Variants in PCDHGB7 observed in about 807,000 individuals in gnomAD.
The protein encoded by PCDHGB7 is protocadherin gamma subfamily B, 7.
In PCDHGB7, 37 loss-of-function variants were observed where a neutral mutation model predicts 61.4. The ratio of observed to expected loss-of-function variants is 0.60; its 90% CI spans 0.46 to 0.79. The LOEUF (loss-of-function observed/expected upper bound fraction) is 0.79, where lower values mean the gene tolerates loss of function less well. Among genes scored for constraint, PCDHGB7 ranks in the 30% least tolerant of loss-of-function variants. The pLI is 0.00. For missense variants in PCDHGB7, 1,166 were observed against 1,202.5 expected, an observed-to-expected ratio of 0.97 and a Z score of 0.45; for synonymous variants, 464 against 503.5, an observed-to-expected ratio of 0.92 and a Z score of 1.05.
chr5:141,478,137 G>A (rs762316494), intron 1 of PCDHGB7: 13 of 1,613,872 alleles, frequency 8.1e-6, no homozygotes, highest in African/African-American at 8.0e-5. Context: ...CCTGAAGCCC[G>A]AGCCGAGTTC....
intron 1 of PCDHGB7, chr5:141,427,887 C>T (rs759734297): frequency 3.8e-6 from 6 of 1,565,908 alleles, no homozygotes; most frequent in South Asian, 1.1e-5. Flanking sequence ...GGCCCACGAC[C>T]AGGGCTCGCC....
rs1316659737 is a variant in PCDHGB7 at position 141,490,964 on chromosome 5, C to T, written c.2416-3843C>T. ...CCACGGCCAGACTGGGAACACTCAG[C>T]CCCCCAGCGTCTCCCTCGCTCTGCT... On this transcript the variant is annotated intron_variant, in intron 1 of 3. Transcript: ENST00000398594. The surrounding 1 kb of genome is among the most constrained non-coding windows in gnomAD (Gnocchi z 5.4). 2.5e-6 allele frequency: 4 copies of T among 1,613,608 alleles called. No homozygotes were observed. Among genetic ancestry groups the T allele is most frequent in the East Asian group, 2.2e-5 (1 of 44,882 alleles).
chr5:141,422,342 TG>T, intron 1 of PCDHGB7: 1 of 1,551,514 alleles, frequency 6.4e-7, no homozygotes. Context: ...CTTCTAAATG[TG>T]CAAGATCAAG....
At chr5:141,483,329 A>C (rs1463046335) in intron 1 of PCDHGB7, among the ~76,000 whole-genome samples, 3 of 152,182 alleles carry the variant, frequency 2.0e-5, no homozygotes, top group Non-Finnish European at 2.9e-5. Flanking sequence ...GGAGGCAAAG[A>C]GATCTTATCT....
intron 1 of PCDHGB7, chr5:141,420,939 C>A: frequency 2.6e-6 from 1 of 387,512 alleles, no homozygotes; most frequent in South Asian, 5.2e-5. Context: ...GTAATCATTT[C>A]TTCTGGAATT....
intron 1 of PCDHGB7, among the ~76,000 whole-genome samples, chr5:141,482,832 G>A (rs2099573281): frequency 6.6e-6 from 1 of 152,188 alleles, no homozygotes; most frequent in Non-Finnish European, 1.5e-5. Flanking sequence ...AGCACTTTGG[G>A]AGGCCAAGGT....
intron 1 of PCDHGB7, chr5:141,423,750 TGGGG>T: frequency 7.0e-5 from 20 of 287,406 alleles, no homozygotes; most frequent in Non-Finnish European, 9.0e-5. Context: ...GAAAACTGTT[TGGGG>T]GGGGGGTGGG....
intron 1 of PCDHGB7, among the ~76,000 whole-genome samples, chr5:141,456,381 G>T (rs1296419395): frequency 6.6e-6 from 1 of 152,110 alleles, no homozygotes; most frequent in Admixed American, 6.6e-5. Context: ...TTACAGCACC[G>T]TTTGGAGTTT....
rs1245731818 is a variant in PCDHGB7, at chr5:141,476,700, A to C, written c.2416-18107A>C. 1 of 1,614,096 alleles carries C rather than the reference A, an allele frequency of 6.2e-7. No homozygotes were observed. Among genetic ancestry groups the C allele is most frequent in the Non-Finnish European group, 8.5e-7 (1 of 1,180,016 alleles). On this transcript the variant is annotated intron_variant, in intron 1 of 3. Coordinates refer to ENST00000398594, the MANE Select transcript of PCDHGB7 (RefSeq NM_018927.4). This position sits in a 1 kb window ranked among gnomAD's most constrained non-coding sequence, Gnocchi z 7.6. Reference sequence around the variant, plus strand: ...CGGGAGGACAGCACCAAGTACGCGGAGCTGGTGTTGGAGCGCGCCCTGGAC... The same window carrying C: ...CGGGAGGACAGCACCAAGTACGCGGCGCTGGTGTTGGAGCGCGCCCTGGAC...
intron 1 of PCDHGB7, chr5:141,421,516 T>C (rs199973694): frequency 6.8e-6 from 11 of 1,614,064 alleles, no homozygotes; most frequent in Non-Finnish European, 9.3e-6. Context: ...GGAGGAGCTC[T>C]GTGAGACGGT....
At position 141,431,108 on chromosome 5, in the gene PCDHGB7, T is replaced by C; in HGVS notation, c.2415+10834T>C. 1 of 1,614,180 alleles carries C rather than the reference T, an allele frequency of 6.2e-7. No homozygotes were observed. The highest frequency in any genetic ancestry group is 8.5e-7 in the Non-Finnish European group (1 of 1,180,032). On this transcript the variant is annotated intron_variant, in intron 1 of 3. Coordinates refer to ENST00000398594, the MANE Select transcript of PCDHGB7 (RefSeq NM_018927.4). This position sits in a 1 kb window ranked among gnomAD's most constrained non-coding sequence, Gnocchi z 4.8. ...TCTGATGGAGGATAAAGTGAAAATATATGGAGTAGAAGTAGAAGTAAGGGA... is the reference window on the plus strand; with the variant it reads ...TCTGATGGAGGATAAAGTGAAAATACATGGAGTAGAAGTAGAAGTAAGGGA...
chr5:141,469,419 A>G (rs1047562022), intron 1 of PCDHGB7, among the ~76,000 whole-genome samples: 2 of 152,066 alleles, frequency 1.3e-5, no homozygotes, highest in South Asian at 2.1e-4. Flanking sequence ...TACTAAAAAT[A>G]TAAAACTTAG....
intron 1 of PCDHGB7, chr5:141,426,204 T>C (rs10046053): frequency 0.11 from 17,599 of 155,696 alleles, 1,197 homozygotes; most frequent in African/African-American, 0.19. Flanking sequence ...TTGAGTTTTC[T>C]ATGTATGGAA....
chr5:141,431,408 G>T lies in PCDHGB7; in HGVS notation c.2415+11134G>T, dbSNP rs1270461546. On this transcript the variant is annotated intron_variant, in intron 1 of 3. Coordinates refer to ENST00000398594, the MANE Select transcript of PCDHGB7 (RefSeq NM_018927.4). The surrounding 1 kb of genome is among the most constrained non-coding windows in gnomAD (Gnocchi z 4.8). ...CCACCTGGTCCTTACGGCCTCCGAC[G>T]GGGGCGACCCGGTGCGCACAGGCAC... 4 of 1,613,600 alleles carry T rather than the reference G, an allele frequency of 2.5e-6. No individual in the cohort carries two copies. Among genetic ancestry groups the T allele is most frequent in the Non-Finnish European group, 3.4e-6 (4 of 1,180,038 alleles).
rs74792071 is a variant in PCDHGB7 at position 141,437,248 on chromosome 5, T to C, written c.2415+16974T>C. 4.6e-3 allele frequency among the ~76,000 whole-genome samples: 704 copies of C among 152,360 alleles called. 4 individuals carry two copies. The highest frequency in any genetic ancestry group is 0.015 in the African/African-American group (641 of 41,594). On this transcript the variant is annotated intron_variant, in intron 1 of 3. Transcript: ENST00000398594. ...CATAAAATTATGTCAAGGACTTTCC[T>C]TGTCTTTTTATGTGTATGACAGATG... is the stretch of plus-strand genomic sequence containing the variant.
intron 1 of PCDHGB7, chr5:141,478,873 T>C: frequency 7.8e-7 from 1 of 1,274,424 alleles, no homozygotes; most frequent in African/African-American, 1.5e-5. Context: ...GATCAGAGTT[T>C]AGCTTGGTAT....
intron 1 of PCDHGB7, among the ~76,000 whole-genome samples, chr5:141,480,839 G>A (rs1397361640): frequency 6.6e-6 from 1 of 152,196 alleles, no homozygotes; most frequent in Non-Finnish European, 1.5e-5. Context: ...AAGATCAGGA[G>A]TTTGAGACCA....
rs2099410057 is a variant in PCDHGB7, at chr5:141,477,370, G to C, written c.2416-17437G>C. The C allele has an allele frequency of 6.2e-7, 1 of 1,614,054 alleles. No homozygotes were observed. On this transcript the variant is annotated intron_variant, in intron 1 of 3. Coordinates refer to ENST00000398594, the MANE Select transcript of PCDHGB7 (RefSeq NM_018927.4). This position sits in a 1 kb window ranked among gnomAD's most constrained non-coding sequence, Gnocchi z 4.9. The stretch of plus-strand genomic sequence containing the variant: ...AAACCAGTGCAGACCTGGATCGGGA[G>C]ACTGTGCCAGAATACAACCTCAGCA...
intron 1 of PCDHGB7, among the ~76,000 whole-genome samples, chr5:141,474,357 T>G (rs185194067): frequency 2.0e-4 from 30 of 152,302 alleles, no homozygotes; most frequent in African/African-American, 6.5e-4. Context: ...AAGTCATGTC[T>G]CAGTAGGTCT....
Sources: allele counts gnomAD v4.1 joint callset (sites outside exome capture counted in the v4.1 genomes callset), GRCh38; gene constraint gnomAD v4.1.1; non-coding constraint Gnocchi (gnomAD v3.1); transcripts MANE v1.5; gene names NCBI Gene and HGNC (gene_info 2026-07-23, HGNC 2026-07-21).